HMGCLL1: variants seen among roughly 807,000 people sequenced by gnomAD.
HMGCLL1 encodes 3-hydroxymethyl-3-methylglutaryl-CoA lyase, cytoplasmic.
HMGCLL1 carries 36 observed loss-of-function variants against 39.1 expected under a neutral mutation model. The observed-to-expected ratio is 0.92, with a 90% confidence interval of 0.71 to 1.22. HMGCLL1 has a LOEUF of 1.22. HMGCLL1 is among the 50% of genes most tolerant of loss of function. HMGCLL1 has a pLI of 0.00. For synonymous variants in HMGCLL1, 149 were observed against 144.0 expected (o/e 1.03, Z -0.25); for missense variants, 451 against 416.5 (o/e 1.08, Z -0.72).
chr6:55,488,131 T>A (rs887707477), intron 7 of HMGCLL1, among the ~76,000 whole-genome samples: 7 of 152,130 alleles, frequency 4.6e-5, no homozygotes, highest in African/African-American at 1.7e-4. Flanking sequence ...ATAAAATGCA[T>A]AATGTAATTT....
Position 55,495,441 on chromosome 6 carries a change from GC to G in HMGCLL1, c.772del (p.Ala258GlnfsTer21). On this transcript the variant is annotated frameshift_variant, in exon 7 of 9. Transcript: ENST00000274901. LOFTEE classifies it high-confidence loss of function. Reference sequence around the variant, plus strand: ...TACCTGAAGGGCCGTAAGGATATTTGCTAAGGCTTGTCCGTATGTGTCATGA... The same window carrying G: ...TACCTGAAGGGCCGTAAGGATATTTGTAAGGCTTGTCCGTATGTGTCATGA... ...HCHDTYGQAL[A>X]NILTALQMGI... is the part of the protein sequence containing the mutation. 1 of 1,613,794 alleles carries G rather than the reference GC, an allele frequency of 6.2e-7. No individual in the cohort carries two copies. Among genetic ancestry groups the G allele is most frequent in the Non-Finnish European group, 8.5e-7 (1 of 1,179,816 alleles).
intron 1 of HMGCLL1, among the ~76,000 whole-genome samples, chr6:55,544,742 T>G (rs956279155): frequency 1.3e-5 from 2 of 152,152 alleles, no homozygotes; most frequent in African/African-American, 4.8e-5. Context: ...CCCATTACAA[T>G]GTTTACAGAC....
At position 55,495,625 on chromosome 6, in the gene HMGCLL1, G is replaced by A. The variant is rs748540549; in HGVS notation, c.607-18C>T. ...TTAGACACCTGTTGATAAAGGTGAA[G>A]TGCTAGTAAAATAATGGAAATGAAG... On this transcript the variant is annotated intron_variant, in intron 6 of 8. Coordinates refer to ENST00000274901, the MANE Select transcript of HMGCLL1 (RefSeq NM_001042406.2). 3.2e-6 allele frequency: 5 copies of A among 1,546,038 alleles called. No homozygotes were observed. Among genetic ancestry groups the A allele is most frequent in the Admixed American group, 2.0e-5 (1 of 49,158 alleles).
At chr6:55,666,718 G>T in the HMGCLL1 span, among the ~76,000 whole-genome samples, 1 of 151,576 alleles carries the variant, frequency 6.6e-6, no homozygotes. Flanking sequence ...TTAAATGTTT[G>T]ATTTATACCA....
intron 5 of HMGCLL1, among the ~76,000 whole-genome samples, chr6:55,511,003 A>C (rs1191583739): frequency 6.6e-6 from 1 of 151,916 alleles, no homozygotes; most frequent in Non-Finnish European, 1.5e-5. Flanking sequence ...ATAAATTCTG[A>C]ATGTCTTATA....
At chr6:55,636,877 C>A in the HMGCLL1 span, among the ~76,000 whole-genome samples, 2 of 152,194 alleles carry the variant, frequency 1.3e-5, no homozygotes, top group African/African-American at 2.4e-5. Flanking sequence ...TTCTGACAGA[C>A]CCACCTGGAG....
At chr6:55,591,106 T>C in the HMGCLL1 span, among the ~76,000 whole-genome samples, 50 of 152,114 alleles carry the variant, frequency 3.3e-4, no homozygotes, top group African/African-American at 1.2e-3. Context: ...CTGCTTCTAA[T>C]ATATTTTAGC....
At chr6:55,606,566 A>T in the HMGCLL1 span, among the ~76,000 whole-genome samples, 1 of 150,966 alleles carries the variant, frequency 6.6e-6, no homozygotes, top group African/African-American at 2.5e-5. Flanking sequence ...TAGTTTTTTT[A>T]AAAATTTATA....
intron 5 of HMGCLL1, 61 bp downstream of exon 5, chr6:55,513,987 T>G (rs1581881953): frequency 2.8e-6 from 4 of 1,429,276 alleles, no homozygotes; most frequent in Non-Finnish European, 3.9e-6. Context: ...TCTAGATAAT[T>G]TTTGAGTAAG....
At chr6:55,629,540 A>G in the HMGCLL1 span, among the ~76,000 whole-genome samples, 2 of 152,174 alleles carry the variant, frequency 1.3e-5, no homozygotes, top group Admixed American at 6.5e-5. Flanking sequence ...TGCCTAAGTA[A>G]CAAAGAGCCG....
At chr6:55,575,889 TC>T (rs1472159565) in intron 1 of HMGCLL1, among the ~76,000 whole-genome samples, 3 of 152,346 alleles carry the variant, frequency 2.0e-5, no homozygotes, top group African/African-American at 7.2e-5. Flanking sequence ...AGTGTGCCAA[TC>T]ATTTTGTTGG....
chr6:55,488,514 CT>C (rs1561912642), intron 7 of HMGCLL1, among the ~76,000 whole-genome samples: 1 of 151,898 alleles, frequency 6.6e-6, no homozygotes, highest in Non-Finnish European at 1.5e-5. Flanking sequence ...ACCAATAAAC[CT>C]TTTTTTGGTT....
At chr6:55,606,024 A>G in the HMGCLL1 span, among the ~76,000 whole-genome samples, 1 of 152,148 alleles carries the variant, frequency 6.6e-6, no homozygotes, top group Admixed American at 6.6e-5. Context: ...TGATGAATTG[A>G]AGAGGTTCAG....
At chr6:55,555,680 T>C (rs917826608) in intron 1 of HMGCLL1, among the ~76,000 whole-genome samples, 5 of 152,248 alleles carry the variant, frequency 3.3e-5, no homozygotes, top group Admixed American at 1.3e-4. Flanking sequence ...ATATTCATAT[T>C]ATGGCTTTGA....
At chr6:55,582,890 TACAC>T (rs1772009366), upstream of HMGCLL1, among the ~76,000 whole-genome samples, 1 of 152,144 alleles carries the variant, frequency 6.6e-6, no homozygotes, top group Non-Finnish European at 1.5e-5. Context: ...TATGTACACA[TACAC>T]ACATATAATC....
intron 7 of HMGCLL1, among the ~76,000 whole-genome samples, chr6:55,482,763 C>A (rs1295121126): frequency 6.6e-6 from 1 of 152,072 alleles, no homozygotes; most frequent in Non-Finnish European, 1.5e-5. Flanking sequence ...GCATCCTCTT[C>A]AAACCTCAAC....
At position 55,525,729 on chromosome 6, in the gene HMGCLL1, CA is replaced by C. The variant is rs941761481; in HGVS notation, c.298-9127del. On this transcript the variant is annotated intron_variant, in intron 3 of 8. Transcript: ENST00000274901. The stretch of plus-strand genomic sequence containing the variant: ...ATATTCTGTATTGGCCCCAATGAAC[CA>C]AAAATCTCTGAGACTGTAAACTGGA... Among the ~76,000 whole-genome samples, 4 of 151,848 alleles carry C rather than the reference CA, an allele frequency of 2.6e-5. No homozygotes were observed. The Admixed American group carries it at 2.6e-4, about 10-fold the overall frequency.
At chr6:55,634,050 T>A in the HMGCLL1 span, among the ~76,000 whole-genome samples, 2 of 150,652 alleles carry the variant, frequency 1.3e-5, no homozygotes, top group East Asian at 3.9e-4. Flanking sequence ...TTGACATCAC[T>A]TTTTTTTTAA....
chr6:55,475,131 G>C (rs745577244), intron 7 of HMGCLL1, among the ~76,000 whole-genome samples: 13 of 151,530 alleles, frequency 8.6e-5, no homozygotes, highest in South Asian at 6.2e-4. Context: ...GAAGTCTATT[G>C]TGGGCTGGAG....
Sources: gnomAD v4.1 joint callset for allele counts (sites outside exome capture counted in the v4.1 genomes callset) on GRCh38, gnomAD v4.1.1 for gene constraint, MANE v1.5 for transcripts, NCBI Gene and HGNC (gene_info 2026-07-23, HGNC 2026-07-21) for gene names.